THADA: variants seen among roughly 807,000 people sequenced by gnomAD.
THADA encodes the protein tRNA (32-2'-O)-methyltransferase regulator THADA.
THADA carries 213 observed loss-of-function variants against 219.8 expected under a neutral mutation model. That is an observed-to-expected ratio of 0.97 (90% CI 0.87 to 1.09). The LOEUF (loss-of-function observed/expected upper bound fraction) is 1.09, where lower values mean the gene tolerates loss of function less well. THADA is among the 50% of genes least tolerant of loss of function. The probability of loss-of-function intolerance (pLI) is 0.00; values close to 1 mark genes in which losing one functional copy is unlikely to be tolerated. For missense variants in THADA, 2,956 were observed against 2,311.3 expected, an observed-to-expected ratio of 1.28 and a Z score of -5.72; for synonymous variants, 1,018 against 828.9, an observed-to-expected ratio of 1.23 and a Z score of -3.92.
At chr2:43,300,873 C>T (rs191059203) in intron 31 of THADA, among the ~76,000 whole-genome samples, 10 of 152,302 alleles carry the variant, frequency 6.6e-5, no homozygotes, top group Admixed American at 3.9e-4. Flanking sequence ...ACTGCTGCCT[C>T]GACCTCACCC....
At chr2:43,577,354 C>A in intron 9 of THADA, 112 bp from the exon 10 acceptor site, 2 of 848,388 alleles carry the variant, frequency 2.4e-6, no homozygotes, top group East Asian at 2.7e-5. Flanking sequence ...GGAAAAATGA[C>A]TAAATCCAAA....
At chr2:43,342,188 C>T (rs951953003) in intron 30 of THADA, among the ~76,000 whole-genome samples, 1 of 152,118 alleles carries the variant, frequency 6.6e-6, no homozygotes, top group South Asian at 2.1e-4. Flanking sequence ...TGCACTCTAA[C>T]CTGGGTGACA....
chr2:43,249,538 A>G (rs1669601253), intron 36 of THADA, among the ~76,000 whole-genome samples: 1 of 152,148 alleles, frequency 6.6e-6, no homozygotes. Flanking sequence ...ACAAGGCCCA[A>G]ATGTCCTACA....
At chr2:43,345,552 G>T (rs1481236786) in intron 29 of THADA, among the ~76,000 whole-genome samples, 4 of 152,094 alleles carry the variant, frequency 2.6e-5, no homozygotes, top group African/African-American at 9.7e-5. Context: ...CCACACCCCC[G>T]CAGGGACCCA....
chr2:43,476,252 T>C (rs1422601243), intron 26 of THADA, among the ~76,000 whole-genome samples: 1 of 152,116 alleles, frequency 6.6e-6, no homozygotes, highest in East Asian at 1.9e-4. Flanking sequence ...CTGTTGCTCT[T>C]AAAAAGAAAC....
chr2:43,393,187 C>T (rs1472541171), intron 29 of THADA, among the ~76,000 whole-genome samples: 1 of 152,200 alleles, frequency 6.6e-6, no homozygotes, highest in Non-Finnish European at 1.5e-5. Context: ...TCACGGGTCG[C>T]AGCTTCCCTG....
At chr2:43,395,052 A>G (rs1673859839) in intron 29 of THADA, among the ~76,000 whole-genome samples, 1 of 152,202 alleles carries the variant, frequency 6.6e-6, no homozygotes, top group African/African-American at 2.4e-5. Context: ...TGCTGGGCAG[A>G]CTGGTGAAAC....
intron 22 of THADA, among the ~76,000 whole-genome samples, chr2:43,510,960 G>C (rs1211782278): frequency 4.0e-5 from 6 of 148,912 alleles, no homozygotes; most frequent in Non-Finnish European, 8.9e-5. Flanking sequence ...GACACAGCAA[G>C]ACTCCATCTC....
intron 26 of THADA, among the ~76,000 whole-genome samples, chr2:43,472,936 G>A (rs906619180): frequency 1.3e-5 from 2 of 152,136 alleles, no homozygotes; most frequent in African/African-American, 4.8e-5. Flanking sequence ...TGGCACACCT[G>A]TCTAGGGCAG....
rs184612923 is a variant in THADA, at chr2:43,260,342, C to T, written c.5296+19423G>A. Among the ~76,000 whole-genome samples the T allele has an allele frequency of 1.5e-4, 23 of 152,240 alleles. No individual in the cohort carries two copies. In the East Asian group the frequency reaches 3.5e-3, roughly 23 times the overall value. ...AGTGAGGATGAGCATTTTTTTCATGCGTGTCCTGTTCACATCTTTTTTCTT... is the reference window on the plus strand; with the variant it reads ...AGTGAGGATGAGCATTTTTTTCATGTGTGTCCTGTTCACATCTTTTTTCTT... On this transcript the variant is annotated intron_variant, in intron 36 of 37. Coordinates refer to ENST00000405975, the MANE Select transcript of THADA (RefSeq NM_022065.5).
chr2:43,543,172 A>C (rs1322570625), intron 20 of THADA, among the ~76,000 whole-genome samples: 1 of 148,320 alleles, frequency 6.7e-6, no homozygotes, highest in Non-Finnish European at 1.5e-5. Context: ...ATGATTTCCA[A>C]TTTCATCCAT....
At chr2:43,523,738 T>A (rs1692794071) in intron 22 of THADA, among the ~76,000 whole-genome samples, 1 of 152,200 alleles carries the variant, frequency 6.6e-6, no homozygotes, top group South Asian at 2.1e-4. Context: ...AGGCCAATAA[T>A]GTGAAAATGA....
intron 9 of THADA, among the ~76,000 whole-genome samples, chr2:43,578,237 G>A (rs570435397): frequency 2.0e-5 from 3 of 151,324 alleles, no homozygotes; most frequent in East Asian, 1.9e-4. Flanking sequence ...TAAACTCCTA[G>A]GCTCAAGCGA....
At chr2:43,422,748 G>A (rs551972184) in intron 28 of THADA, among the ~76,000 whole-genome samples, 10 of 152,172 alleles carry the variant, frequency 6.6e-5, no homozygotes, top group African/African-American at 2.2e-4. Context: ...ACAGGGTCTC[G>A]CTCTGTCACC....
intron 28 of THADA, among the ~76,000 whole-genome samples, chr2:43,416,801 G>C (rs1050764698): frequency 2.0e-5 from 3 of 152,198 alleles, no homozygotes; most frequent in African/African-American, 7.2e-5. Context: ...AGGCCTTGGA[G>C]TACAGATGAT....
intron 30 of THADA, among the ~76,000 whole-genome samples, chr2:43,323,320 A>C (rs917488194): frequency 6.6e-6 from 1 of 152,008 alleles, no homozygotes; most frequent in African/African-American, 2.4e-5. Context: ...TTTTAAAATT[A>C]TTTTTGTAGA....
At chr2:43,563,981 G>A (rs984206854) in intron 15 of THADA, 2 of 152,164 alleles carry the variant, frequency 1.3e-5, no homozygotes, top group African/African-American at 4.8e-5. Context: ...TTAGAAAGAT[G>A]ACTCAGGGTT....
chr2:43,363,044 C>T (rs1015418927), intron 29 of THADA, among the ~76,000 whole-genome samples: 2 of 152,026 alleles, frequency 1.3e-5, no homozygotes, highest in Non-Finnish European at 1.5e-5. Context: ...GAGCAGTCAC[C>T]GTATATAATC....
chr2:43,590,362 G>C (rs1701422638), intron 4 of THADA, among the ~76,000 whole-genome samples: 1 of 152,136 alleles, frequency 6.6e-6, no homozygotes, highest in South Asian at 2.1e-4. Flanking sequence ...TGTGACCTAA[G>C]AAGGCTTTTT....
Sources: gnomAD v4.1 joint callset for allele counts (sites outside exome capture counted in the v4.1 genomes callset) on GRCh38, gnomAD v4.1.1 for gene constraint, MANE v1.5 for transcripts, NCBI Gene and HGNC (gene_info 2026-07-23, HGNC 2026-07-21) for gene names.